The following PACRG variants were observed in gnomAD, a reference collection of about 807,000 sequenced individuals.
PACRG encodes parkin coregulated gene protein.
A neutral mutation model predicts 29.7 loss-of-function variants in PACRG; 29 were observed. The observed-to-expected ratio is 0.98, with a 90% confidence interval of 0.73 to 1.33. PACRG has a LOEUF of 1.33. Among genes scored for constraint, PACRG ranks in the 40% most tolerant of loss-of-function variants. PACRG has a pLI of 0.00. For synonymous variants in PACRG, 116 were observed against 118.7 expected, an observed-to-expected ratio of 0.98 and a Z score of 0.15; for missense variants, 279 against 316.2, an observed-to-expected ratio of 0.88 and a Z score of 0.89.
chr6:163,025,870 G>A (rs750354016), intron 2 of PACRG, among the ~76,000 whole-genome samples: 8 of 152,240 alleles, frequency 5.3e-5, no homozygotes, highest in Non-Finnish European at 1.2e-4. Context: ...AAATGCAGAT[G>A]AGTGTCCAGT....
At chr6:162,836,770 T>A (rs929629209) in intron 2 of PACRG, among the ~76,000 whole-genome samples, 2 of 152,190 alleles carry the variant, frequency 1.3e-5, no homozygotes, top group South Asian at 2.1e-4. Context: ...CTGTAAAATT[T>A]TATTCAAAGA....
intron 3 of PACRG, among the ~76,000 whole-genome samples, chr6:163,081,212 G>A (rs768490837): frequency 2.0e-5 from 3 of 151,948 alleles, no homozygotes; most frequent in Admixed American, 6.6e-5. Flanking sequence ...TTCAACTAAC[G>A]CTATAATGGG....
chr6:162,995,541 G>A (rs1006839988), intron 2 of PACRG, among the ~76,000 whole-genome samples: 11 of 152,236 alleles, frequency 7.2e-5, no homozygotes, highest in African/African-American at 2.4e-4. Flanking sequence ...GACTCAGAAA[G>A]CGAACTCCCT....
At chr6:162,733,002 A>T (rs1163860308) in intron 1 of PACRG, among the ~76,000 whole-genome samples, 2 of 152,186 alleles carry the variant, frequency 1.3e-5, no homozygotes, top group Non-Finnish European at 2.9e-5. Context: ...GTTTCTGTTT[A>T]TGTTGTTCCC....
intron 2 of PACRG, among the ~76,000 whole-genome samples, chr6:162,999,668 T>C (rs1363847397): frequency 6.6e-6 from 1 of 152,242 alleles, no homozygotes; most frequent in Non-Finnish European, 1.5e-5. Flanking sequence ...AGTAAAACAT[T>C]TTAATTATAA....
At chr6:162,857,093 G>A (rs915523452) in intron 2 of PACRG, among the ~76,000 whole-genome samples, 2 of 152,160 alleles carry the variant, frequency 1.3e-5, no homozygotes, top group African/African-American at 4.8e-5. Context: ...GTCATTTGCA[G>A]CGGGGTGGGT....
intron 1 of PACRG, among the ~76,000 whole-genome samples, chr6:162,779,133 T>G (rs1461630190): frequency 1.3e-5 from 2 of 152,176 alleles, no homozygotes; most frequent in African/African-American, 4.8e-5. Context: ...CACGCGGTGT[T>G]TGGTTTTCTG....
chr6:163,238,664 G>A (rs57264517), intron 4 of PACRG, among the ~76,000 whole-genome samples: 10 of 152,268 alleles, frequency 6.6e-5, no homozygotes, highest in Admixed American at 2.6e-4. Flanking sequence ...GAAGGAACAC[G>A]TTCAACACCA....
chr6:163,188,784 C>A (rs1198669531), intron 4 of PACRG, among the ~76,000 whole-genome samples: 2 of 152,200 alleles, frequency 1.3e-5, no homozygotes, highest in East Asian at 1.9e-4. Context: ...TGTTTGAGAT[C>A]TGAAAAACTG....
At chr6:162,756,445 G>T (rs936690130) in intron 1 of PACRG, among the ~76,000 whole-genome samples, 1 of 152,070 alleles carries the variant, frequency 6.6e-6, no homozygotes, top group Non-Finnish European at 1.5e-5. Flanking sequence ...TACTTTGTGT[G>T]TTATAAGTGT....
chr6:163,164,878 C>T (rs1488803206), intron 4 of PACRG, among the ~76,000 whole-genome samples: 1 of 152,216 alleles, frequency 6.6e-6, no homozygotes, highest in Non-Finnish European at 1.5e-5. Flanking sequence ...CCTGGCAGAG[C>T]TCCTGTGGTG....
At chr6:163,100,576 C>T (rs1815019798) in intron 4 of PACRG, among the ~76,000 whole-genome samples, 1 of 152,170 alleles carries the variant, frequency 6.6e-6, no homozygotes, top group African/African-American at 2.4e-5. Context: ...GTTCTGCTGG[C>T]GGTGGCCCCC....
chr6:163,048,648 G>A (rs1004612188), intron 2 of PACRG, among the ~76,000 whole-genome samples: 2 of 152,044 alleles, frequency 1.3e-5, no homozygotes, highest in African/African-American at 2.4e-5. Context: ...AGTACAAAGG[G>A]GAAATTTTCT....
At chr6:163,023,828 G>T (rs1806864107) in intron 2 of PACRG, among the ~76,000 whole-genome samples, 1 of 152,170 alleles carries the variant, frequency 6.6e-6, no homozygotes, top group Non-Finnish European at 1.5e-5. Flanking sequence ...GATGACTAGT[G>T]ATGATGAGCA....
At chr6:162,967,565 G>A (rs1057309471) in intron 2 of PACRG, among the ~76,000 whole-genome samples, 1 of 150,144 alleles carries the variant, frequency 6.7e-6, no homozygotes, top group Non-Finnish European at 1.5e-5. Context: ...GGAGTGCAGT[G>A]TTGCGATCTC....
intron 4 of PACRG, among the ~76,000 whole-genome samples, chr6:163,217,844 C>A (rs958529836): frequency 6.6e-6 from 1 of 151,950 alleles, no homozygotes; most frequent in African/African-American, 2.4e-5. Flanking sequence ...ATGGGACCAT[C>A]TAGTTGCAGG....
chr6:163,163,298 G>A (rs1349760833), intron 4 of PACRG, among the ~76,000 whole-genome samples: 1 of 152,082 alleles, frequency 6.6e-6, no homozygotes, highest in Non-Finnish European at 1.5e-5. Flanking sequence ...TCGAGACAGA[G>A]TCTCACTCTG....
intron 1 of PACRG, among the ~76,000 whole-genome samples, chr6:162,766,989 A>G (rs1307021538): frequency 6.6e-6 from 1 of 152,012 alleles, no homozygotes; most frequent in Non-Finnish European, 1.5e-5. Flanking sequence ...ATTTTGAAGC[A>G]TTTAATAATT....
chr6:163,067,049 A>C (rs1008761547), intron 3 of PACRG, among the ~76,000 whole-genome samples: 1 of 152,220 alleles, frequency 6.6e-6, no homozygotes, highest in Non-Finnish European at 1.5e-5. Flanking sequence ...CTTGACTGAG[A>C]GCTAAAAAGA....
Sources: gnomAD v4.1 joint callset for allele counts (sites outside exome capture counted in the v4.1 genomes callset) on GRCh38, gnomAD v4.1.1 for gene constraint, MANE v1.5 for transcripts, NCBI Gene and HGNC (gene_info 2026-07-23, HGNC 2026-07-21) for gene names.